Variants in LRP1B observed in about 807,000 individuals in gnomAD.
LRP1B encodes the protein low-density lipoprotein receptor-related protein 1B.
A neutral mutation model predicts 556.6 loss-of-function variants in LRP1B; 217 were observed. That is an observed-to-expected ratio of 0.39 (90% CI 0.35 to 0.44). The LOEUF is 0.44. Ranked by LOEUF, LRP1B falls within the 20% of genes least tolerant of loss-of-function variation. The probability of loss-of-function intolerance (pLI) is 1.00; values close to 1 mark genes in which losing one functional copy is unlikely to be tolerated. For missense variants in LRP1B, 5,053 were observed against 5,620.8 expected, an observed-to-expected ratio of 0.90 and a Z score of 3.23; for synonymous variants, 2,047 against 1,865.8, an observed-to-expected ratio of 1.10 and a Z score of -2.50.
intron 28 of LRP1B, 96 bp downstream of exon 28, chr2:140,851,556 T>G: frequency 7.1e-7 from 1 of 1,402,292 alleles, no homozygotes; most frequent in South Asian, 1.4e-5. Context: ...AAAAAAAAAC[T>G]TCCTCTGCTT....
chr2:141,302,924 A>T (rs537624082), intron 3 of LRP1B, among the ~76,000 whole-genome samples: 1 of 151,958 alleles, frequency 6.6e-6, no homozygotes, highest in Admixed American at 6.6e-5. Context: ...TTTACCACTC[A>T]CTTTTTATTG....
intron 60 of LRP1B, among the ~76,000 whole-genome samples, chr2:140,470,898 A>G (rs982533588): frequency 1.1e-4 from 17 of 152,010 alleles, no homozygotes; most frequent in African/African-American, 2.9e-4. Flanking sequence ...TTCTTTTAAG[A>G]TCTTAAAGGT....
chr2:141,781,755 G>A (rs945206120), intron 2 of LRP1B, among the ~76,000 whole-genome samples: 1 of 152,144 alleles, frequency 6.6e-6, no homozygotes, highest in Admixed American at 6.6e-5. Flanking sequence ...TAAAAGACAT[G>A]TATGCACATT....
intron 27 of LRP1B, among the ~76,000 whole-genome samples, chr2:140,859,192 C>T (rs559146990): frequency 6.6e-6 from 1 of 151,974 alleles, no homozygotes; most frequent in African/African-American, 2.4e-5. Flanking sequence ...TCACCTCCAC[C>T]ATGCTGCAAC....
At chr2:140,585,388 A>G (rs1332956145) in intron 43 of LRP1B, among the ~76,000 whole-genome samples, 2 of 152,152 alleles carry the variant, frequency 1.3e-5, no homozygotes, top group East Asian at 3.9e-4. Context: ...ATCTAAGTTT[A>G]TTAATTTCTC....
chr2:140,531,938 T>C (rs902941440), intron 47 of LRP1B, among the ~76,000 whole-genome samples: 8 of 152,286 alleles, frequency 5.3e-5, no homozygotes, highest in East Asian at 1.9e-4. Flanking sequence ...CCTTTTCATA[T>C]ATAATTTGTT....
At chr2:140,994,449 G>T (rs1425640148) in intron 15 of LRP1B, among the ~76,000 whole-genome samples, 1 of 151,216 alleles carries the variant, frequency 6.6e-6, no homozygotes, top group African/African-American at 2.4e-5. Context: ...AATACATAGA[G>T]AATAAAGTGG....
intron 3 of LRP1B, among the ~76,000 whole-genome samples, chr2:141,417,415 C>G (rs1035656067): frequency 2.0e-5 from 3 of 152,170 alleles, no homozygotes; most frequent in African/African-American, 2.4e-5. Flanking sequence ...TGGCAACCAC[C>G]TTTCTACTTT....
chr2:141,283,848 C>T, intron 3 of LRP1B, among the ~76,000 whole-genome samples: 1 of 151,636 alleles, frequency 6.6e-6, no homozygotes, highest in Non-Finnish European at 1.5e-5. Flanking sequence ...AAGAATGACA[C>T]TTGTCATAAA....
chr2:142,062,745 A>C (rs1251785469), intron 1 of LRP1B, among the ~76,000 whole-genome samples: 1 of 151,786 alleles, frequency 6.6e-6, no homozygotes, highest in East Asian at 1.9e-4. Flanking sequence ...ATTATTTATC[A>C]ATATTATTTT....
intron 52 of LRP1B, among the ~76,000 whole-genome samples, chr2:140,507,849 A>C (rs1220234124): frequency 6.6e-6 from 1 of 152,132 alleles, no homozygotes; most frequent in African/African-American, 2.4e-5. Flanking sequence ...TGGCACTTAT[A>C]TTTGTATCCT....
intron 1 of LRP1B, among the ~76,000 whole-genome samples, chr2:141,994,167 G>C (rs1189006532): frequency 6.6e-6 from 1 of 152,104 alleles, no homozygotes; most frequent in Non-Finnish European, 1.5e-5. Flanking sequence ...ACTTTTGTCT[G>C]TTCTCCGTTT....
chr2:140,949,809 A>G (rs1199014796), intron 20 of LRP1B, among the ~76,000 whole-genome samples: 1 of 151,722 alleles, frequency 6.6e-6, no homozygotes, highest in Non-Finnish European at 1.5e-5. Context: ...GCATGGTGGC[A>G]GGTGCCTGTA....
chr2:141,116,022 T>C (rs1700889857), intron 7 of LRP1B, among the ~76,000 whole-genome samples: 1 of 152,160 alleles, frequency 6.6e-6, no homozygotes, highest in South Asian at 2.1e-4. Context: ...AAAAAGCAAT[T>C]TCATTATAAA....
intron 37 of LRP1B, among the ~76,000 whole-genome samples, chr2:140,705,793 CATT>C (rs1686817072): frequency 6.6e-6 from 1 of 152,006 alleles, no homozygotes; most frequent in African/African-American, 2.4e-5. Context: ...GATATGGTAT[CATT>C]ATATGTGAAG....
intron 1 of LRP1B, among the ~76,000 whole-genome samples, chr2:141,976,098 A>C (rs1701878875): frequency 6.6e-6 from 1 of 152,042 alleles, no homozygotes; most frequent in Non-Finnish European, 1.5e-5. Flanking sequence ...TCATTTATCA[A>C]ATAAGAAGCA....
intron 25 of LRP1B, among the ~76,000 whole-genome samples, chr2:140,870,533 G>T (rs1402497572): frequency 2.6e-5 from 4 of 151,996 alleles, no homozygotes; most frequent in African/African-American, 4.8e-5. Context: ...CTAATTTGCT[G>T]CCAGTTTATT....
intron 15 of LRP1B, among the ~76,000 whole-genome samples, chr2:141,003,129 C>A (rs1306646155): frequency 6.6e-6 from 1 of 151,844 alleles, no homozygotes; most frequent in East Asian, 1.9e-4. Context: ...CATAAAAGGT[C>A]ATAAATGGTA....
At chr2:141,095,274 C>T (rs1331146457) in intron 7 of LRP1B, among the ~76,000 whole-genome samples, 2 of 128,526 alleles carry the variant, frequency 1.6e-5, no homozygotes, top group Non-Finnish European at 3.5e-5. Context: ...GAGAAAGAGG[C>T]AGTTTTTTGG....
Sources: gnomAD v4.1 joint callset for allele counts (sites outside exome capture counted in the v4.1 genomes callset) on GRCh38, gnomAD v4.1.1 for gene constraint, MANE v1.5 for transcripts, NCBI Gene and HGNC (gene_info 2026-07-23, HGNC 2026-07-21) for gene names.